The following ATP2C2 variants were observed in gnomAD, a reference collection of about 807,000 sequenced individuals.
ATP2C2 encodes calcium-transporting ATPase type 2C member 2.
Under a neutral mutation model 110.8 loss-of-function variants are expected in ATP2C2, and 171 were observed. The observed-to-expected ratio is 1.54, with a 90% CI of 1.36 to 1.75. The LOEUF is 1.75. Ranked by LOEUF, ATP2C2 falls within the 40% of genes most tolerant of loss-of-function variation. The pLI is 0.00. For synonymous variants in ATP2C2, 804 were observed against 508.4 expected (o/e 1.58, Z -7.82); for missense variants, 1,963 against 1,235.0 (o/e 1.59, Z -8.84).
At chr16:84,432,411 T>G (rs1908360660) in intron 11 of ATP2C2, among the ~76,000 whole-genome samples, 1 of 152,022 alleles carries the variant, frequency 6.6e-6, no homozygotes, top group African/African-American at 2.4e-5. Flanking sequence ...CATTAGGCAT[T>G]TGGCCTAATG....
At chr16:84,435,565 C>T (rs937666832) in intron 11 of ATP2C2, among the ~76,000 whole-genome samples, 14 of 152,240 alleles carry the variant, frequency 9.2e-5, no homozygotes, top group African/African-American at 3.4e-4. Context: ...GAGGCTCATG[C>T]CTGTAATCCC....
intron 15 of ATP2C2, among the ~76,000 whole-genome samples, chr16:84,445,583 G>C (rs247894): frequency 0.53 from 80,820 of 152,024 alleles, 22,271 homozygotes; most frequent in East Asian, 0.92. Flanking sequence ...CTGCAAAGGC[G>C]CTATTCCAAA....
At chr16:84,397,632 C>T (rs1227495696) in intron 1 of ATP2C2, among the ~76,000 whole-genome samples, 6 of 81,456 alleles carry the variant, frequency 7.4e-5, no homozygotes, top group Non-Finnish European at 8.0e-5. Flanking sequence ...TATGATTGCA[C>T]CACTGCACTC....
intron 1 of ATP2C2, among the ~76,000 whole-genome samples, chr16:84,394,078 C>T (rs1209785531): frequency 6.6e-6 from 1 of 151,628 alleles, no homozygotes; most frequent in Admixed American, 6.6e-5. Context: ...TCTCAGGAGG[C>T]TGAGGTGGGA....
Position 84,383,735 on chromosome 16 carries a change from C to CTGTGTGTGTGTGTG in ATP2C2, c.100-14762_100-14749dup, listed in dbSNP as rs143797673. ...GATGCTGTATTATTTCTGAATACAT[C>CTGTGTGTGTGTGTG]TGTGTGTGTGTGTGTATGTGTGTGT... On this transcript the variant is annotated intron_variant, in intron 1 of 26. Transcript: ENST00000262429. Among the ~76,000 whole-genome samples, 17 of 137,694 alleles carry CTGTGTGTGTGTGTG rather than the reference C, an allele frequency of 1.2e-4. No homozygotes were observed. In the South Asian group the frequency reaches 1.3e-3, roughly 10 times the overall value. 90.3% of individuals were successfully genotyped at this position (137,694 alleles called of 152,430 possible).
intron 1 of ATP2C2, 48 bp downstream of exon 1, chr16:84,368,762 C>G (rs947721432): frequency 7.0e-7 from 1 of 1,419,228 alleles, no homozygotes; most frequent in African/African-American, 1.5e-5. Context: ...ACCCCCCATC[C>G]CCTCCGTCGT....
chr16:84,450,078 C>CCCGCA, intron 17 of ATP2C2, among the ~76,000 whole-genome samples: 1 of 152,380 alleles, frequency 6.6e-6, no homozygotes, highest in Non-Finnish European at 1.5e-5. Context: ...GGACTTGCTC[C>CCCGCA]AGGCCTTGCG....
At chr16:84,449,594 C>T (rs1339459487) in intron 17 of ATP2C2, among the ~76,000 whole-genome samples, 3 of 152,106 alleles carry the variant, frequency 2.0e-5, no homozygotes, top group African/African-American at 2.4e-5. Flanking sequence ...GACTCTGTTT[C>T]GGTGGCAGAG....
chr16:84,374,896 GA>G, intron 1 of ATP2C2, among the ~76,000 whole-genome samples: 1 of 152,228 alleles, frequency 6.6e-6, no homozygotes, highest in African/African-American at 2.4e-5. Context: ...AAAAAGGAGA[GA>G]AAGGGAATTA....
At chr16:84,461,556 C>T (rs1443205434) in intron 24 of ATP2C2, 158 bp from the exon 25 acceptor site, 1 of 717,982 alleles carries the variant, frequency 1.4e-6, no homozygotes, top group Non-Finnish European at 2.5e-6. Flanking sequence ...GTAGCAGCCA[C>T]TGACCTCACA....
At chr16:84,425,837 G>A in intron 11 of ATP2C2, 36 bp downstream of exon 11, 1 of 1,605,674 alleles carries the variant, frequency 6.2e-7, no homozygotes, top group Non-Finnish European at 8.5e-7. Context: ...CCTTGCCAGG[G>A]TGGTCAATGG....
chr16:84,448,407 A>G (rs962320683), intron 16 of ATP2C2, 126 bp from the exon 17 acceptor site: 51 of 1,210,142 alleles, frequency 4.2e-5, no homozygotes, highest in African/African-American at 1.2e-4. Context: ...GCACCAGCCT[A>G]TGATAAATAA....
At chr16:84,395,735 G>A (rs779953204) in intron 1 of ATP2C2, among the ~76,000 whole-genome samples, 7 of 151,362 alleles carry the variant, frequency 4.6e-5, no homozygotes, top group Non-Finnish European at 1.0e-4. Context: ...CCTGACTTTA[G>A]ATGATCTGCC....
At chr16:84,378,957 C>G (rs899182517) in intron 1 of ATP2C2, among the ~76,000 whole-genome samples, 13 of 150,062 alleles carry the variant, frequency 8.7e-5, no homozygotes, top group Non-Finnish European at 1.3e-4. Flanking sequence ...CCCTCACCTA[C>G]TTTTTTTTTT....
intron 24 of ATP2C2, 64 bp from the exon 25 acceptor site, chr16:84,461,650 C>A: frequency 6.8e-7 from 1 of 1,462,838 alleles, no homozygotes; most frequent in Non-Finnish European, 9.6e-7. Context: ...GGCCTGTGCC[C>A]TTTGGTTCAG....
Position 84,459,123 on chromosome 16 carries a change from T to G in ATP2C2, c.2151T>G (p.Asn717Lys). The change falls in exon 22 of 27, where the codon AAT becomes AAG. Residue 717 changes from asparagine to lysine, a missense_variant. Physicochemically the swap from Asn to Lys is moderately conservative, Grantham distance 94 (BLOSUM62 0). Coordinates refer to ENST00000262429, the MANE Select transcript of ATP2C2 (RefSeq NM_014861.4). ...LVDDDFSAIM[N>K]AVEEGKGIFY... ...AAATGGCTCTCTTCTCTTGCAGGAATGCAGTGGAGGAAGGCAAGGGTATTT... is the reference window on the plus strand; with the variant it reads ...AAATGGCTCTCTTCTCTTGCAGGAAGGCAGTGGAGGAAGGCAAGGGTATTT... 1 of 1,614,116 alleles carries G rather than the reference T, an allele frequency of 6.2e-7. No homozygotes were observed.
chr16:84,463,613 G>A lies in ATP2C2; in HGVS notation c.2723-1G>A, dbSNP rs758619009. ...ATCTTTTCTGTTTTCTCCCTTGGCA[G>A]ATTTGCTGTTTTTAACTGGATTGGC... On this transcript the variant is annotated splice_acceptor_variant, in intron 26 of 26. Coordinates refer to ENST00000262429, the MANE Select transcript of ATP2C2 (RefSeq NM_014861.4). LOFTEE classifies it high-confidence loss of function. 2 of 1,612,446 alleles carry A rather than the reference G, an allele frequency of 1.2e-6. No homozygotes were observed. Among genetic ancestry groups the A allele is most frequent in the South Asian group, 1.1e-5 (1 of 91,048 alleles).
At chr16:84,439,632 T>A in intron 13 of ATP2C2, 108 bp downstream of exon 13, 1 of 1,098,724 alleles carries the variant, frequency 9.1e-7, no homozygotes, top group Non-Finnish European at 1.4e-6. Context: ...AAGAAATAAA[T>A]TGGGGTCATC....
chr16:84,398,811 G>C (rs184083357), intron 2 of ATP2C2, among the ~76,000 whole-genome samples: 136 of 152,298 alleles, frequency 8.9e-4, no homozygotes, highest in African/African-American at 3.2e-3. Flanking sequence ...GTCTTCACCA[G>C]GCCCTTACCG....
Sources: allele counts gnomAD v4.1 joint callset (sites outside exome capture counted in the v4.1 genomes callset), GRCh38; gene constraint gnomAD v4.1.1; transcripts MANE v1.5; gene names NCBI Gene and HGNC (gene_info 2026-07-23, HGNC 2026-07-21).